The following PNPLA1 variants were observed in gnomAD, a reference collection of about 807,000 sequenced individuals.
The protein encoded by PNPLA1 is omega-hydroxyceramide transacylase.
PNPLA1 carries 36 observed loss-of-function variants against 51.7 expected under a neutral mutation model. That is an observed-to-expected ratio of 0.70 (90% CI 0.53 to 0.92). The LOEUF is 0.92. PNPLA1 is among the 40% of genes least tolerant of loss of function. The pLI, the probability that PNPLA1 is intolerant of heterozygous loss-of-function variation, is 0.00. For synonymous variants in PNPLA1, 293 were observed against 280.1 expected (o/e 1.05, Z -0.46); for missense variants, 658 against 682.5 (o/e 0.96, Z 0.40).
chr6:36,295,176 G>A (rs947970481), intron 4 of PNPLA1, among the ~76,000 whole-genome samples, 188 bp from the exon 5 acceptor site: 1 of 152,220 alleles, frequency 6.6e-6, no homozygotes, highest in Non-Finnish European at 1.5e-5. Context: ...TCACTGGGGC[G>A]TGTGATCAGG....
chr6:36,282,085 GAAA>G (rs1230249993), intron 1 of PNPLA1, among the ~76,000 whole-genome samples: 154 of 130,426 alleles, frequency 1.2e-3, no homozygotes, highest in Admixed American at 1.3e-3. Context: ...AAGAAAGAAA[GAAA>G]GAAGGAAGGA....
At chr6:36,283,833 A>T (rs1019606990) in intron 1 of PNPLA1, among the ~76,000 whole-genome samples, 3 of 152,206 alleles carry the variant, frequency 2.0e-5, no homozygotes, top group Non-Finnish European at 4.4e-5. Context: ...GCATCATCCC[A>T]GTGTCCCCTT....
intron 1 of PNPLA1, among the ~76,000 whole-genome samples, chr6:36,282,593 C>T (rs2127335635): frequency 6.6e-6 from 1 of 152,356 alleles, no homozygotes; most frequent in East Asian, 1.9e-4. Flanking sequence ...ATCCATCCAC[C>T]TGGTATCAGC....
chr6:36,304,621 C>T (rs111305507), intron 6 of PNPLA1, among the ~76,000 whole-genome samples: 19 of 137,922 alleles, frequency 1.4e-4, no homozygotes, highest in African/African-American at 4.9e-4. Flanking sequence ...AGTGAGACTC[C>T]GTCTCAGGAA....
At chr6:36,254,139 A>G (rs1769479823) in intron 1 of PNPLA1, among the ~76,000 whole-genome samples, 1 of 152,254 alleles carries the variant, frequency 6.6e-6, no homozygotes, top group South Asian at 2.1e-4. Context: ...AGAATGCATC[A>G]TCAATTGTTT....
intron 1 of PNPLA1, among the ~76,000 whole-genome samples, chr6:36,276,044 C>T (rs990472347): frequency 1.3e-4 from 19 of 150,176 alleles, no homozygotes; most frequent in Admixed American, 6.0e-4. Flanking sequence ...CTGCAACCTC[C>T]GCCTCCTGGG....
chr6:36,307,615 G>A lies in PNPLA1; in HGVS notation c.1498G>A (p.Val500Met), dbSNP rs777247233. ...TESPAEDSNW[V>M]NKVFKKNKQK... is the part of the protein sequence containing the mutation. ...GAGCCCTGCTGAAGACTCAAACTGG[G>A]TGAATAAGGTCTTCAAGAAGAACAA... Residue 500 changes from valine (V) to methionine (M), a missense_variant, in exon 8 of 9, where the codon GTG becomes ATG. Coordinates refer to ENST00000636260, the MANE Select transcript of PNPLA1 (RefSeq NM_001374623.1). 19 of 1,613,592 alleles carry A rather than the reference G, an allele frequency of 1.2e-5. No homozygotes were observed. The African/African-American group carries it at 2.3e-4, about 19-fold the overall frequency.
intron 1 of PNPLA1, among the ~76,000 whole-genome samples, chr6:36,262,084 G>T (rs1769662004): frequency 1.3e-5 from 2 of 152,220 alleles, no homozygotes; most frequent in African/African-American, 4.8e-5. Context: ...GGGTGCAGAG[G>T]TTCTTCCAAC....
At chr6:36,293,553 C>A (rs1262728105) in intron 3 of PNPLA1, among the ~76,000 whole-genome samples, 1 of 152,204 alleles carries the variant, frequency 6.6e-6, no homozygotes, top group Non-Finnish European at 1.5e-5. Flanking sequence ...CTGATCCAGG[C>A]GGTCTGAGGC....
rs189920492 is a variant in PNPLA1 at position 36,291,198 on chromosome 6, C to T, written c.206-122C>T. On this transcript the variant is annotated intron_variant, in intron 1 of 8. Transcript: ENST00000636260. ...CGATTCCTGGGGTTTTCCCAGCTTC[C>T]GAATTCTAGGTTTCCCCATTTGTTG... is the stretch of plus-strand genomic sequence containing the variant. 8.4e-5 allele frequency: 61 copies of T among 724,756 alleles called. No individual in the cohort carries two copies. The East Asian group carries it at 1.3e-3, about 16-fold the overall frequency. The allele number at this position is 724,756 out of a possible 1,614,324, so 44.9% of individuals were successfully genotyped here.
At chr6:36,261,466 T>C (rs1283839178) in intron 1 of PNPLA1, among the ~76,000 whole-genome samples, 1 of 152,130 alleles carries the variant, frequency 6.6e-6, no homozygotes, top group African/African-American at 2.4e-5. Flanking sequence ...AGGAGGAAAG[T>C]GTTGATGGGT....
rs199961503 is a variant in PNPLA1, at chr6:36,244,920, C to T, written c.-81+1659C>T. The stretch of plus-strand genomic sequence containing the variant: ...AATCGGGCAGCTCATGCTTAAGCCC[C>T]GAACTCCAGGGTGGCTCACAGGTAA... On this transcript the variant is annotated intron_variant, in intron 1 of 7. Transcript: ENST00000312917. Among the ~76,000 whole-genome samples, 7 of 152,266 alleles carry T rather than the reference C, an allele frequency of 4.6e-5. No homozygotes were observed. In the East Asian group the frequency reaches 1.2e-3, roughly 25 times the overall value.
intron 1 of PNPLA1, among the ~76,000 whole-genome samples, chr6:36,282,087 A>AGG (rs1271325936): frequency 1.8e-3 from 249 of 136,568 alleles, no homozygotes; most frequent in Non-Finnish European, 2.2e-3. Context: ...GAAAGAAAGA[A>AGG]AGAAGGAAGG....
At chr6:36,309,692 C>T (rs553899003) in intron 8 of PNPLA1, among the ~76,000 whole-genome samples, 49 of 152,236 alleles carry the variant, frequency 3.2e-4, no homozygotes, top group Non-Finnish European at 5.1e-4. Context: ...GGTCACACCT[C>T]CTGCACCAGG....
intron 1 of PNPLA1, among the ~76,000 whole-genome samples, chr6:36,261,165 G>C (rs915549511): frequency 1.3e-5 from 2 of 152,236 alleles, no homozygotes; most frequent in Non-Finnish European, 2.9e-5. Flanking sequence ...TGATTGTTCA[G>C]TTTTGTGAGG....
intron 1 of PNPLA1, among the ~76,000 whole-genome samples, chr6:36,274,296 C>T (rs1322749261): frequency 6.6e-6 from 1 of 152,138 alleles, no homozygotes; most frequent in Non-Finnish European, 1.5e-5. Context: ...CATTCTTATC[C>T]TTTAAATTGC....
upstream of PNPLA1, among the ~76,000 whole-genome samples, chr6:36,267,878 A>G (rs1769800110): frequency 6.6e-6 from 1 of 151,908 alleles, no homozygotes; most frequent in Non-Finnish European, 1.5e-5. Flanking sequence ...GGTCTGTTCC[A>G]GTTTCCCCAA....
intron 5 of PNPLA1, among the ~76,000 whole-genome samples, chr6:36,300,174 T>TGAGAGAGAGA (rs1451824406): frequency 9.1e-4 from 65 of 71,514 alleles, no homozygotes; most frequent in African/African-American, 2.4e-3. Flanking sequence ...TGTGTGTGTG[T>TGAGAGAGAGA]GTGTGAGAGA....
At position 36,273,674 on chromosome 6, in the gene PNPLA1, T is replaced by C. The variant is rs917809910; in HGVS notation, c.205+3010T>C. On this transcript the variant is annotated intron_variant, in intron 1 of 8. Coordinates refer to ENST00000636260, the MANE Select transcript of PNPLA1 (RefSeq NM_001374623.1). ...TTGAGAGGCCAAGGCAGGAAGATTG[T>C]GTGTGGGTCCAGGAGTTCAAGACAA... is the stretch of plus-strand genomic sequence containing the variant. 2.3e-5 allele frequency among the ~76,000 whole-genome samples: 3 copies of C among 129,148 alleles called. No homozygotes were observed. In the Admixed American group the frequency reaches 2.9e-4, roughly 13 times the overall value. 84.7% of individuals were successfully genotyped at this position (129,148 alleles called of 152,430 possible).
Sources: allele counts gnomAD v4.1 joint callset (sites outside exome capture counted in the v4.1 genomes callset), GRCh38; gene constraint gnomAD v4.1.1; transcripts MANE v1.5; gene names NCBI Gene and HGNC (gene_info 2026-07-23, HGNC 2026-07-21).